Variants in SBF2 observed in about 807,000 individuals in gnomAD.
The protein encoded by SBF2 is myotubularin-related protein 13.
In SBF2, 112 loss-of-function variants were observed where a neutral mutation model predicts 225.2. The ratio of observed to expected loss-of-function variants is 0.50; its 90% CI spans 0.43 to 0.58. SBF2 has a LOEUF of 0.58. Among genes scored for constraint, SBF2 ranks in the 20% least tolerant of loss-of-function variants. The pLI is 0.00. For synonymous variants in SBF2, 763 were observed against 773.3 expected (o/e 0.99, Z 0.22); for missense variants, 1,996 against 2,206.2 (o/e 0.90, Z 1.91).
intron 2 of SBF2, among the ~76,000 whole-genome samples, chr11:10,139,196 G>A (rs1296977685): frequency 3.9e-5 from 6 of 152,048 alleles, no homozygotes; most frequent in Non-Finnish European, 5.9e-5. Flanking sequence ...TTGGGAAAAT[G>A]TTAAGATTTT....
chr11:9,797,378 G>C (rs780377), intron 32 of SBF2, among the ~76,000 whole-genome samples: 8,080 of 152,242 alleles, frequency 0.053, 599 homozygotes, highest in African/African-American at 0.17. Flanking sequence ...TAGCTTGTAA[G>C]TAATGTAAAA....
At chr11:10,253,275 A>G (rs1388252764) in intron 1 of SBF2, among the ~76,000 whole-genome samples, 1 of 151,876 alleles carries the variant, frequency 6.6e-6, no homozygotes, top group East Asian at 1.9e-4. Context: ...ATGTGCATAT[A>G]TAATATAATG....
At chr11:10,031,304 T>C in intron 3 of SBF2, 134 bp from the exon 4 acceptor site, 1 of 850,304 alleles carries the variant, frequency 1.2e-6, no homozygotes, top group South Asian at 2.0e-5. Flanking sequence ...AAAATCAAAC[T>C]ACAAATAAAG....
chr11:10,220,617 A>G (rs1451548590), intron 1 of SBF2, among the ~76,000 whole-genome samples: 1 of 152,120 alleles, frequency 6.6e-6, no homozygotes, highest in Non-Finnish European at 1.5e-5. Context: ...TCATTCTAAC[A>G]TGCAAATTTG....
Position 10,169,370 on chromosome 11 carries a change from T to TTC in SBF2, c.141+24530_141+24531dup, listed in dbSNP as rs562362813. 3.0e-3 allele frequency among the ~76,000 whole-genome samples: 460 copies of TTC among 152,030 alleles called. 3 individuals are homozygous for TTC. The highest frequency in any genetic ancestry group is 9.5e-3 in the African/African-American group (395 of 41,486). Reference sequence around the variant, plus strand: ...TCCCAGCATCTGGTAACCATCCTTCTTCTCTCTCTCTCTATGAGATCAATT... The same window carrying TTC: ...TCCCAGCATCTGGTAACCATCCTTCTTCTCTCTCTCTCTCTATGAGATCAATT... On this transcript the variant is annotated intron_variant, in intron 2 of 39. Coordinates refer to ENST00000256190, the MANE Select transcript of SBF2 (RefSeq NM_030962.4).
At chr11:9,990,682 G>A (rs963568393) in intron 12 of SBF2, among the ~76,000 whole-genome samples, 6 of 152,192 alleles carry the variant, frequency 3.9e-5, no homozygotes, top group African/African-American at 1.4e-4. Flanking sequence ...GGGTGACTCA[G>A]TAGGAACCTT....
chr11:9,897,705 T>C (rs1861378064), intron 16 of SBF2, among the ~76,000 whole-genome samples: 1 of 152,160 alleles, frequency 6.6e-6, no homozygotes, highest in African/African-American at 2.4e-5. Flanking sequence ...TCCTCATCCA[T>C]CCGTTATAAG....
At chr11:10,096,328 T>C (rs1238246450) in intron 2 of SBF2, among the ~76,000 whole-genome samples, 1 of 151,468 alleles carries the variant, frequency 6.6e-6, no homozygotes, top group East Asian at 1.9e-4. Context: ...CTTTGATTGA[T>C]ATATAAGATT....
chr11:10,018,146 T>G (rs1175195811), intron 6 of SBF2, among the ~76,000 whole-genome samples: 1 of 152,154 alleles, frequency 6.6e-6, no homozygotes, highest in Non-Finnish European at 1.5e-5. Context: ...AAACAACTCT[T>G]TTAATTCAAA....
chr11:10,114,281 T>C (rs1953027446), intron 2 of SBF2, among the ~76,000 whole-genome samples: 1 of 152,044 alleles, frequency 6.6e-6, no homozygotes. Context: ...ATATACTTTA[T>C]TTGGAACTCA....
intron 13 of SBF2, among the ~76,000 whole-genome samples, chr11:9,981,015 TA>T (rs1433822012): frequency 2.0e-5 from 3 of 152,192 alleles, no homozygotes; most frequent in African/African-American, 7.2e-5. Context: ...ATGTAGAACT[TA>T]AAACTCAGAA....
rs537731791 is a variant in SBF2, at chr11:10,024,134, A to G, written c.619+4318T>C. Among the ~76,000 whole-genome samples, 31 of 152,292 alleles carry G rather than the reference A, an allele frequency of 2.0e-4. 1 individual carries two copies. The South Asian group carries it at 6.2e-3, about 31-fold the overall frequency. On this transcript the variant is annotated intron_variant, in intron 6 of 39. Coordinates refer to ENST00000256190, the MANE Select transcript of SBF2 (RefSeq NM_030962.4). The stretch of plus-strand genomic sequence containing the variant: ...AAAATAATTATTTTCAGGTTAATCT[A>G]TGTTGCGTGTATCAGCCATTCATTT...
At chr11:9,816,497 T>C (rs1233731579) in intron 29 of SBF2, among the ~76,000 whole-genome samples, 1 of 152,242 alleles carries the variant, frequency 6.6e-6, no homozygotes, top group Non-Finnish European at 1.5e-5. Context: ...GGCAGATTCC[T>C]GTGGAAACTG....
At chr11:10,029,430 GGAGT>G (rs1176073109) in intron 5 of SBF2, among the ~76,000 whole-genome samples, 1 of 152,114 alleles carries the variant, frequency 6.6e-6, no homozygotes, top group Non-Finnish European at 1.5e-5. Flanking sequence ...ACTATATACA[GGAGT>G]GAGAAAGGTA....
At chr11:10,218,142 C>A (rs868806738) in intron 1 of SBF2, among the ~76,000 whole-genome samples, 20 of 152,084 alleles carry the variant, frequency 1.3e-4, no homozygotes, top group African/African-American at 3.6e-4. Flanking sequence ...TCAAATGATC[C>A]ACCTGCCTCG....
chr11:10,167,822 A>C (rs1395358898), intron 2 of SBF2, among the ~76,000 whole-genome samples: 1 of 152,156 alleles, frequency 6.6e-6, no homozygotes, highest in Non-Finnish European at 1.5e-5. Flanking sequence ...GTTCAAGACC[A>C]GCCTGACCAA....
chr11:10,140,259 T>C (rs1954577077), intron 2 of SBF2, among the ~76,000 whole-genome samples: 1 of 152,164 alleles, frequency 6.6e-6, no homozygotes, highest in South Asian at 2.1e-4. Context: ...CTGAAGAGCC[T>C]CCGGTTGGGG....
intron 16 of SBF2, among the ~76,000 whole-genome samples, chr11:9,955,822 C>A (rs1411729229): frequency 6.6e-6 from 1 of 151,870 alleles, no homozygotes; most frequent in African/African-American, 2.4e-5. Flanking sequence ...TCCTCTGTGT[C>A]CCGCAGAGGT....
In SBF2 at chr11:9,885,774, A is replaced by G. The variant is rs145638893; in HGVS notation, c.1929+10169T>C. ...GTAAAAATTTTATTTTTAAATGTGTATGTCAGGAATTATTTGATGGTCCTG... is the reference window on the plus strand; with the variant it reads ...GTAAAAATTTTATTTTTAAATGTGTGTGTCAGGAATTATTTGATGGTCCTG... On this transcript the variant is annotated intron_variant, in intron 17 of 39. Coordinates refer to ENST00000256190, the MANE Select transcript of SBF2 (RefSeq NM_030962.4). Among the ~76,000 whole-genome samples the G allele has an allele frequency of 6.4e-3, 968 of 152,250 alleles. 10 individuals are homozygous for G. The highest frequency in any genetic ancestry group is 9.4e-3 in the Non-Finnish European group (641 of 68,024).
Sources: allele counts gnomAD v4.1 joint callset (sites outside exome capture counted in the v4.1 genomes callset), GRCh38; gene constraint gnomAD v4.1.1; transcripts MANE v1.5; gene names NCBI Gene and HGNC (gene_info 2026-07-23, HGNC 2026-07-21).